Variants in FEZF1 observed in about 807,000 individuals in gnomAD.
FEZF1 encodes FEZ family zinc finger 1.
In FEZF1, 8 loss-of-function variants were observed where a neutral mutation model predicts 32.4. The ratio of observed to expected loss-of-function variants is 0.25; its 90% CI spans 0.15 to 0.45. FEZF1 has a LOEUF of 0.45. FEZF1 is among the 20% of genes least tolerant of loss of function. FEZF1 has a pLI of 1.00. For missense variants in FEZF1, 546 were observed against 622.3 expected, an observed-to-expected ratio of 0.88 and a Z score of 1.31; for synonymous variants, 259 against 265.2, an observed-to-expected ratio of 0.98 and a Z score of 0.23.
chr7:122,303,804 A>G lies in FEZF1; in HGVS notation c.634T>C (p.Tyr212His), dbSNP rs1277834758. Residue 212 changes from tyrosine (Y) to histidine (H), a missense_variant, in exon 1 of 4, where the codon TAC becomes CAC. By Grantham distance (83) the Tyr-to-His change is moderately conservative. Around this residue, in one of 3 missense-constraint regions of FEZF1, gnomAD observed 345 missense variants for 360.6 expected, o/e 0.96. Coordinates refer to ENST00000442488, the MANE Select transcript of FEZF1 (RefSeq NM_001024613.4). ...NKLVVPAVEK[Y>H]PSGVAFKDLS... ...TCTTTGAAAGCTACTCCAGAAGGGT[A>G]TTTCTCCACCGCCGGGACCACCAGT... 1.2e-5 allele frequency: 19 copies of G among 1,614,174 alleles called. No homozygotes were observed. Among genetic ancestry groups the G allele is most frequent in the Admixed American group, 1.7e-5 (1 of 60,026 alleles).
chr7:122,306,733 G>C (rs559792992), upstream of FEZF1: 7 of 152,342 alleles, frequency 4.6e-5, no homozygotes, highest in African/African-American at 1.7e-4. Flanking sequence ...GTTGAGGACA[G>C]CCAAGGGGCA....
Position 122,304,619 on chromosome 7 carries a change from C to T in FEZF1, c.-182G>A. On this transcript the variant is annotated 5_prime_UTR_variant, in exon 1 of 4. Coordinates refer to ENST00000442488, the MANE Select transcript of FEZF1 (RefSeq NM_001024613.4). ...GCCCAGCCCAATGGACTCCTGCCAG[C>T]CCATCGCAGAGTTCTTGGCGCACCA... 2.1e-6 allele frequency: 1 copy of T among 475,030 alleles called. No individual in the cohort carries two copies. Among genetic ancestry groups the T allele is most frequent in the Non-Finnish European group, 3.8e-6 (1 of 263,604 alleles). 29.4% of individuals were successfully genotyped at this position (475,030 alleles called of 1,614,324 possible).
Position 122,304,704 on chromosome 7 carries a change from A to T in FEZF1, c.-267T>A, listed in dbSNP as rs1373572814. The T allele has an allele frequency of 4.9e-5, 20 of 407,704 alleles. No homozygotes were observed. The highest frequency in any genetic ancestry group is 7.6e-5 in the Non-Finnish European group (17 of 222,526). 25.3% of individuals were successfully genotyped at this position (407,704 alleles called of 1,614,324 possible). On this transcript the variant is annotated 5_prime_UTR_variant, in exon 1 of 4. Coordinates refer to ENST00000442488, the MANE Select transcript of FEZF1 (RefSeq NM_001024613.4). ...ATAGAAAGTGTTGTGTCAATAACGC[A>T]GCCAAGATCTCGCCAATCGTTAACT...
rs2031150270 is a variant in FEZF1, at chr7:122,303,646, C to A, written c.792G>T (p.Val264=). ...TTTGCATTGTACTTGCCTTTCCACA[C>A]ACTTCGCAAGTGAAAACTTTGGGCT... ...NAKPKVFTCE[V]CGKVFNAHYN... is the part of the protein sequence containing the mutation. Residue 264 remains valine, a synonymous_variant, in exon 1 of 4, where the codon GTG becomes GTT. Coordinates refer to ENST00000442488, the MANE Select transcript of FEZF1 (RefSeq NM_001024613.4). 1.2e-6 allele frequency: 2 copies of A among 1,613,500 alleles called. No homozygotes were observed. The highest frequency in any genetic ancestry group is 1.3e-5 in the African/African-American group (1 of 74,800).
chr7:122,302,432 G>A lies in FEZF1; in HGVS notation c.1070-77C>T. 6.3e-7 allele frequency: 1 copy of A among 1,579,954 alleles called. No individual in the cohort carries two copies. The highest frequency in any genetic ancestry group is 8.6e-7 in the Non-Finnish European group (1 of 1,167,868). ...AAAGGGAGGAGCAGACACGTGGAAGGTAGCGCCAGGCAAGCAGAAGAGCCG... is the reference window on the plus strand; with the variant it reads ...AAAGGGAGGAGCAGACACGTGGAAGATAGCGCCAGGCAAGCAGAAGAGCCG... On this transcript the variant is annotated intron_variant, in intron 3 of 3. Coordinates refer to ENST00000442488, the MANE Select transcript of FEZF1 (RefSeq NM_001024613.4). This position sits in a 1 kb window ranked among gnomAD's most constrained non-coding sequence, Gnocchi z 4.4.
intron 1 of FEZF1, chr7:122,310,180 G>T (rs1352087802): frequency 6.6e-6 from 1 of 152,230 alleles, no homozygotes; most frequent in African/African-American, 2.4e-5. Flanking sequence ...TATAAATTCA[G>T]TTACCTCCTG....
chr7:122,307,301 A>C (rs2031311883), upstream of FEZF1: 1 of 152,428 alleles, frequency 6.6e-6, no homozygotes, highest in African/African-American at 2.4e-5. Context: ...ACTTCCCAGC[A>C]GCGAAAAATC....
At chr7:122,306,650 G>A (rs1231891248), upstream of FEZF1, 2 of 152,388 alleles carry the variant, frequency 1.3e-5, no homozygotes, top group African/African-American at 4.8e-5. Flanking sequence ...CAGAAAGGCA[G>A]TGGCAGCTGG....
Position 122,304,325 on chromosome 7 carries a change from G to T in FEZF1, c.113C>A (p.Ala38Glu). 1 of 1,613,102 alleles carries T rather than the reference G, an allele frequency of 6.2e-7. No homozygotes were observed. The highest frequency in any genetic ancestry group is 8.5e-7 in the Non-Finnish European group (1 of 1,179,408). ...CAGGGCCTTGGGCTCTGGGGTGCGC[G>T]CCATGATTCGTTCAATGGAGAAAGC... ...PLAFSIERIMARTPEPKALPV... is the reference protein window; with the variant it reads ...PLAFSIERIMERTPEPKALPV... Residue 38 changes from alanine to glutamate, a missense_variant, in exon 1 of 4, where the codon GCG becomes GAG. Physicochemically the swap from Ala to Glu is moderately radical, Grantham distance 107. Transcript: ENST00000442488.
In FEZF1 at chr7:122,304,591, C is replaced by A; in HGVS notation, c.-154G>T. On this transcript the variant is annotated 5_prime_UTR_variant, in exon 1 of 4. Coordinates refer to ENST00000442488, the MANE Select transcript of FEZF1 (RefSeq NM_001024613.4). ...TCCCCAGCATCACCAGCCGAACCTG[C>A]CTGCCCAGCCCAATGGACTCCTGCC... 1 of 551,998 alleles carries A rather than the reference C, an allele frequency of 1.8e-6. No homozygotes were observed. Among genetic ancestry groups the A allele is most frequent in the South Asian group, 3.7e-5 (1 of 26,944 alleles). The allele number at this position is 551,998 out of a possible 1,614,324, so 34.2% of individuals were successfully genotyped here.
rs2031184937 is a variant in FEZF1, at chr7:122,304,148, T to C, written c.290A>G (p.Lys97Arg). 6.2e-7 allele frequency: 1 copy of C among 1,603,110 alleles called. No homozygotes were observed. Among genetic ancestry groups the C allele is most frequent in the South Asian group, 1.1e-5 (1 of 90,076 alleles). Residue 97 changes from lysine to arginine, a missense_variant, in exon 1 of 4, where the codon AAG becomes AGG. Around this residue, in one of 3 missense-constraint regions of FEZF1, gnomAD observed 345 missense variants for 360.6 expected, o/e 0.96. Coordinates refer to ENST00000442488, the MANE Select transcript of FEZF1 (RefSeq NM_001024613.4). ...CGCCGCCGGGGCCTCCAGACTGGCCTTCCGCGGCTCGGAGCCCGTCACTCC... is the reference window on the plus strand; with the variant it reads ...CGCCGCCGGGGCCTCCAGACTGGCCCTCCGCGGCTCGGAGCCCGTCACTCC... The part of the protein sequence containing the change: ...KAGVTGSEPR[K>R]ASLEAPAAPA...
chr7:122,309,150 C>T (rs1231212323), upstream of FEZF1, among the ~76,000 whole-genome samples: 2 of 152,158 alleles, frequency 1.3e-5, no homozygotes, highest in Admixed American at 6.5e-5. Context: ...CTTTCCAACA[C>T]GTTAGCAAAC....
upstream of FEZF1, chr7:122,306,097 C>T (rs1232012239): frequency 6.6e-6 from 1 of 152,334 alleles, no homozygotes; most frequent in African/African-American, 2.4e-5. Context: ...AGAGCTGAAC[C>T]CCGCAGCTAG....
At chr7:122,309,671 C>T (rs2031372756), upstream of FEZF1, 1 of 152,178 alleles carries the variant, frequency 6.6e-6, no homozygotes, top group South Asian at 2.1e-4. Context: ...ACAAGTAACC[C>T]AGTTTCTCCA....
At chr7:122,310,055 A>G (rs1410234414) in intron 1 of FEZF1, 2 of 152,240 alleles carry the variant, frequency 1.3e-5, no homozygotes, top group African/African-American at 4.8e-5. Context: ...GATCCCATGA[A>G]ATAAAAGTCG....
Position 122,302,388 on chromosome 7 carries a change from GA to G in FEZF1, c.1070-34del, listed in dbSNP as rs144032772. The G allele has an allele frequency of 0.052, 78,114 of 1,512,026 alleles. 4,265 individuals are homozygous for G. The highest frequency in any genetic ancestry group is 0.28 in the African/African-American group (20,375 of 71,760). The allele number at this position is 1,512,026 out of a possible 1,614,324, so 93.7% of individuals were successfully genotyped here. On this transcript the variant is annotated intron_variant, in intron 3 of 3. Transcript: ENST00000442488. This position sits in a 1 kb window ranked among gnomAD's most constrained non-coding sequence, Gnocchi z 4.4. ...ACACAAATGACAGGAATATGGTTCT[GA>G]AAAAAAAAATAGCTTAAAAAGGGAG...
At position 122,304,078 on chromosome 7, in the gene FEZF1, C is replaced by A; in HGVS notation, c.360G>T (p.Leu120=). 1 of 1,566,690 alleles carries A rather than the reference C, an allele frequency of 6.4e-7. No individual in the cohort carries two copies. The highest frequency in any genetic ancestry group is 8.6e-7 in the Non-Finnish European group (1 of 1,158,188). The part of the protein sequence containing the change: ...PSAPAFSCSD[L]LNCALSLKGD... ...CCTTGAGACTCAGTGCGCAGTTGAG[C>A]AGGTCGCTGCAGCTGAATGCGGGAG... The change falls in exon 1 of 4, where the codon CTG becomes CTT. Residue 120 remains leucine, a synonymous_variant. Coordinates refer to ENST00000442488, the MANE Select transcript of FEZF1 (RefSeq NM_001024613.4).
chr7:122,306,593 G>A (rs1359297542), upstream of FEZF1: 2 of 152,228 alleles, frequency 1.3e-5, no homozygotes, highest in African/African-American at 4.8e-5. Flanking sequence ...GAGCCAAGAG[G>A]GGTGGAAAGG....
rs2031092889 is a variant in FEZF1 at position 122,302,782 on chromosome 7, T to G, written c.1069+17A>C. 1.3e-6 allele frequency: 2 copies of G among 1,538,896 alleles called. No homozygotes were observed. Among genetic ancestry groups the G allele is most frequent in the Non-Finnish European group, 1.8e-6 (2 of 1,138,294 alleles). ...TTCATAAGACTAACCATGAGAGACA[T>G]TTCCTGGTTTGCATACCTTTTTGAT... On this transcript the variant is annotated intron_variant, in intron 3 of 3. Transcript: ENST00000442488. The surrounding 1 kb of genome is among the most constrained non-coding windows in gnomAD (Gnocchi z 4.4).
Sources: gnomAD v4.1 joint callset for allele counts (sites outside exome capture counted in the v4.1 genomes callset) on GRCh38, gnomAD v4.1.1 for gene constraint, gnomAD v4.1.1 regional missense constraint, Gnocchi (gnomAD v3.1) non-coding constraint, MANE v1.5 for transcripts, NCBI Gene and HGNC (gene_info 2026-07-23, HGNC 2026-07-21) for gene names.